The following NRXN1 variants were observed in gnomAD, a reference collection of about 807,000 sequenced individuals.
The protein encoded by NRXN1 is neurexin-1.
Under a neutral mutation model 150.9 loss-of-function variants are expected in NRXN1, and 39 were observed. The observed-to-expected ratio is 0.26, with a 90% CI of 0.20 to 0.34. NRXN1 has a LOEUF of 0.34. Among genes scored for constraint, NRXN1 ranks in the 10% least tolerant of loss-of-function variants. The pLI, the probability that NRXN1 is intolerant of heterozygous loss-of-function variation, is 1.00. For synonymous variants in NRXN1, 924 were observed against 757.0 expected (o/e 1.22, Z -3.62); for missense variants, 1,815 against 1,949.9 (o/e 0.93, Z 1.30).
chr2:50,027,380 T>TCCTTCCTC (rs1553501188), intron 21 of NRXN1, among the ~76,000 whole-genome samples: 4 of 135,770 alleles, frequency 2.9e-5, no homozygotes, highest in African/African-American at 5.7e-5. Context: ...CTTCCTTCCT[T>TCCTTCCTC]CCTCCCTCCC....
chr2:50,903,484 T>C (rs1683229423), intron 5 of NRXN1, among the ~76,000 whole-genome samples: 1 of 152,208 alleles, frequency 6.6e-6, no homozygotes, highest in South Asian at 2.1e-4. Context: ...TATAGAAGTA[T>C]TCTGGGGGAG....
intron 11 of NRXN1, 46 bp from the exon 12 acceptor site, chr2:50,528,697 GTAA>G (rs775487824): frequency 1.0e-5 from 13 of 1,261,406 alleles, no homozygotes; most frequent in Non-Finnish European, 1.1e-6. Flanking sequence ...ATCCTTCAAG[GTAA>G]TAGCTGCAGA....
chr2:50,324,525 C>CTTTTA (rs375809402), intron 17 of NRXN1, among the ~76,000 whole-genome samples: 56 of 152,260 alleles, frequency 3.7e-4, no homozygotes, highest in African/African-American at 9.9e-4. Context: ...GTGTGTAAGT[C>CTTTTA]TTTTATTTTA....
At chr2:50,612,475 T>C (rs1490457116) in intron 8 of NRXN1, among the ~76,000 whole-genome samples, 2 of 152,202 alleles carry the variant, frequency 1.3e-5, no homozygotes, top group African/African-American at 4.8e-5. Flanking sequence ...TTTGCAAAGT[T>C]GTTGTTTTAC....
chr2:50,960,891 A>C (rs754451635), intron 2 of NRXN1, among the ~76,000 whole-genome samples: 31 of 152,038 alleles, frequency 2.0e-4, no homozygotes, highest in Non-Finnish European at 2.4e-4. Context: ...TCACAAATTA[A>C]CTTGTAACTT....
chr2:50,414,805 A>G (rs1023397128), intron 17 of NRXN1, among the ~76,000 whole-genome samples: 8 of 152,264 alleles, frequency 5.3e-5, no homozygotes, highest in African/African-American at 9.6e-5. Context: ...AAGTGCATCA[A>G]TTTTGTCATA....
chr2:50,509,910 G>C (rs562918356), intron 12 of NRXN1, among the ~76,000 whole-genome samples: 1 of 152,218 alleles, frequency 6.6e-6, no homozygotes, highest in South Asian at 2.1e-4. Flanking sequence ...GTTTAGATAA[G>C]GGTGGAGTCC....
intron 17 of NRXN1, among the ~76,000 whole-genome samples, chr2:50,451,939 C>T (rs533640060): frequency 1.3e-5 from 2 of 152,272 alleles, no homozygotes; most frequent in South Asian, 2.1e-4. Context: ...AATTATATTA[C>T]TGTTTTTTAA....
At chr2:50,392,362 C>T (rs1333797156) in intron 17 of NRXN1, among the ~76,000 whole-genome samples, 4 of 152,058 alleles carry the variant, frequency 2.6e-5, no homozygotes, top group Non-Finnish European at 5.9e-5. Flanking sequence ...CAGATTATCA[C>T]TACAGGATGC....
intron 2 of NRXN1, among the ~76,000 whole-genome samples, chr2:50,945,566 A>C (rs1690223897): frequency 6.6e-6 from 1 of 151,956 alleles, no homozygotes; most frequent in Admixed American, 6.6e-5. Context: ...CTTTATCAAA[A>C]AATAGGTAAT....
chr2:50,952,405 T>C (rs1386608787), intron 2 of NRXN1, among the ~76,000 whole-genome samples: 2 of 152,230 alleles, frequency 1.3e-5, no homozygotes, highest in Non-Finnish European at 2.9e-5. Flanking sequence ...AAGAGAATTC[T>C]ACAATGTAAA....
intron 2 of NRXN1, among the ~76,000 whole-genome samples, chr2:50,943,568 C>A (rs1689836447): frequency 6.6e-6 from 1 of 152,124 alleles, no homozygotes; most frequent in South Asian, 2.1e-4. Flanking sequence ...TCACCCTAAG[C>A]AAGACTAATT....
At chr2:50,577,855 C>A (rs976052676) in intron 8 of NRXN1, among the ~76,000 whole-genome samples, 1 of 152,042 alleles carries the variant, frequency 6.6e-6, no homozygotes, top group Non-Finnish European at 1.5e-5. Context: ...ATTGTTAAAA[C>A]AGTTACTAAC....
At chr2:49,980,141 C>T (rs568584491) in intron 21 of NRXN1, among the ~76,000 whole-genome samples, 21 of 152,166 alleles carry the variant, frequency 1.4e-4, no homozygotes, top group Non-Finnish European at 2.4e-4. Context: ...TGAAAGTCTA[C>T]GACTACATTT....
intron 5 of NRXN1, among the ~76,000 whole-genome samples, chr2:50,660,671 A>G (rs1298867960): frequency 6.6e-6 from 1 of 152,016 alleles, no homozygotes; most frequent in Non-Finnish European, 1.5e-5. Context: ...GTTTACAGCA[A>G]TGTGAATGTC....
chr2:50,445,773 G>T (rs1287784160), intron 17 of NRXN1, among the ~76,000 whole-genome samples: 1 of 152,056 alleles, frequency 6.6e-6, no homozygotes, highest in African/African-American at 2.4e-5. Context: ...AGAAAAATAG[G>T]GTATGTTAGG....
intron 18 of NRXN1, among the ~76,000 whole-genome samples, chr2:50,236,250 G>A (rs553884591): frequency 1.3e-5 from 2 of 151,976 alleles, no homozygotes; most frequent in African/African-American, 2.4e-5. Context: ...TTCCTGACAC[G>A]TATCAAAATG....
chr2:50,918,527 T>C, intron 5 of NRXN1: 1 of 368,034 alleles, frequency 2.7e-6, no homozygotes, highest in Non-Finnish European at 4.9e-6. Context: ...CGCTGATAAT[T>C]ATTAACTTGT....
intron 17 of NRXN1, among the ~76,000 whole-genome samples, chr2:50,326,892 T>C (rs2076420649): frequency 6.6e-6 from 1 of 152,150 alleles, no homozygotes; most frequent in African/African-American, 2.4e-5. Context: ...ATGGCTAAAA[T>C]TTTTTAAACT....
Sources: gnomAD v4.1 joint callset for allele counts (sites outside exome capture counted in the v4.1 genomes callset) on GRCh38, gnomAD v4.1.1 for gene constraint, MANE v1.5 for transcripts, NCBI Gene and HGNC (gene_info 2026-07-23, HGNC 2026-07-21) for gene names.